Variants in NCALD observed in about 807,000 individuals in gnomAD.
The protein encoded by NCALD is neurocalcin delta.
NCALD carries 10 observed loss-of-function variants against 18.6 expected under a neutral mutation model. The ratio of observed to expected loss-of-function variants is 0.54; its 90% CI spans 0.33 to 0.91. The LOEUF (loss-of-function observed/expected upper bound fraction) is 0.91, where lower values mean the gene tolerates loss of function less well. Ranked by LOEUF, NCALD falls within the 40% of genes least tolerant of loss-of-function variation. The pLI is 0.03. For missense variants in NCALD, 184 were observed against 247.6 expected, an observed-to-expected ratio of 0.74 and a Z score of 1.72; for synonymous variants, 88 against 87.4, an observed-to-expected ratio of 1.01 and a Z score of -0.04.
chr8:102,115,175 G>T (rs1443952993), intron 1 of NCALD, among the ~76,000 whole-genome samples: 1 of 152,176 alleles, frequency 6.6e-6, no homozygotes, highest in East Asian at 1.9e-4. Flanking sequence ...TTTTCTTCAG[G>T]TAGTGAGACT....
chr8:101,880,288 C>A (rs546719170), intron 4 of NCALD, among the ~76,000 whole-genome samples: 2 of 152,138 alleles, frequency 1.3e-5, no homozygotes, highest in African/African-American at 2.4e-5. Context: ...GCCAGCCGCT[C>A]GGAGTGCGGG....
chr8:101,762,554 C>G (rs1811155929), intron 1 of NCALD, among the ~76,000 whole-genome samples: 3 of 151,334 alleles, frequency 2.0e-5, no homozygotes, highest in Admixed American at 1.3e-4. Context: ...TATAAATCAG[C>G]ACTGGTCTAC....
chr8:101,706,557 T>C (rs1815535039), intron 2 of NCALD, among the ~76,000 whole-genome samples: 1 of 152,238 alleles, frequency 6.6e-6, no homozygotes, highest in Non-Finnish European at 1.5e-5. Flanking sequence ...CAAAAATCCT[T>C]GTCTATCTGA....
intron 2 of NCALD, among the ~76,000 whole-genome samples, chr8:101,695,867 A>T (rs1234383189): frequency 6.6e-6 from 1 of 152,138 alleles, no homozygotes; most frequent in East Asian, 1.9e-4. Flanking sequence ...TTTATTCAGG[A>T]ATAACTGTCC....
chr8:101,972,109 G>A (rs1463360009), intron 2 of NCALD, among the ~76,000 whole-genome samples: 1 of 152,150 alleles, frequency 6.6e-6, no homozygotes, highest in Non-Finnish European at 1.5e-5. Flanking sequence ...TGATGAGGAT[G>A]AAAACTGACA....
At chr8:102,028,510 G>A (rs1431487758) in intron 1 of NCALD, among the ~76,000 whole-genome samples, 1 of 152,226 alleles carries the variant, frequency 6.6e-6, no homozygotes, top group Non-Finnish European at 1.5e-5. Flanking sequence ...TGTTGGAAAG[G>A]ATTGTTTATC....
At chr8:101,978,179 T>TATG (rs2131927113) in intron 2 of NCALD, among the ~76,000 whole-genome samples, 1 of 152,034 alleles carries the variant, frequency 6.6e-6, no homozygotes, top group African/African-American at 2.4e-5. Flanking sequence ...GTTAAAAAAA[T>TATG]ATGATTACTG....
At chr8:102,118,538 G>A (rs1014370612) in intron 1 of NCALD, among the ~76,000 whole-genome samples, 1 of 152,212 alleles carries the variant, frequency 6.6e-6, no homozygotes, top group African/African-American at 2.4e-5. Context: ...GCTAGCATGA[G>A]TGCTATTATT....
intron 1 of NCALD, among the ~76,000 whole-genome samples, chr8:101,746,547 G>T (rs1031730802): frequency 2.0e-5 from 3 of 152,134 alleles, no homozygotes; most frequent in African/African-American, 7.2e-5. Context: ...CTTCATAGCT[G>T]CTCATATTGA....
At chr8:101,710,415 G>A (rs1815731334) in intron 2 of NCALD, among the ~76,000 whole-genome samples, 1 of 152,172 alleles carries the variant, frequency 6.6e-6, no homozygotes, top group Non-Finnish European at 1.5e-5. Flanking sequence ...GCGAGGCAGA[G>A]CCATTCACTC....
intron 3 of NCALD, among the ~76,000 whole-genome samples, chr8:101,888,565 G>A (rs557006305): frequency 6.6e-6 from 1 of 151,880 alleles, no homozygotes; most frequent in Non-Finnish European, 1.5e-5. Flanking sequence ...CTGCAGGGAT[G>A]CCCCAACATG....
intron 1 of NCALD, among the ~76,000 whole-genome samples, chr8:101,753,291 G>A (rs1215207932): frequency 6.6e-6 from 1 of 152,130 alleles, no homozygotes; most frequent in Non-Finnish European, 1.5e-5. Context: ...AGAGAGAGAA[G>A]GAATCAAGAG....
At chr8:101,770,076 CATT>C (rs1310360394) in intron 1 of NCALD, among the ~76,000 whole-genome samples, 4 of 152,166 alleles carry the variant, frequency 2.6e-5, no homozygotes, top group African/African-American at 9.7e-5. Flanking sequence ...CTAACACCAT[CATT>C]ATTATTTGAA....
chr8:101,934,650 T>C (rs570134188), intron 2 of NCALD, among the ~76,000 whole-genome samples: 1 of 135,916 alleles, frequency 7.4e-6, no homozygotes, highest in African/African-American at 2.8e-5. Context: ...GTGAATTTCC[T>C]GAGAGCAGTT....
intron 4 of NCALD, among the ~76,000 whole-genome samples, chr8:101,832,911 T>C (rs73696638): frequency 0.011 from 1,657 of 152,330 alleles, 36 homozygotes; most frequent in African/African-American, 0.037. Context: ...AGGCAAGTCT[T>C]TCCCAGTTAT....
intron 1 of NCALD, among the ~76,000 whole-genome samples, chr8:101,786,545 T>C (rs1008836263): frequency 6.6e-6 from 1 of 152,180 alleles, no homozygotes; most frequent in Non-Finnish European, 1.5e-5. Context: ...GTTATATGAA[T>C]CATATCAAAG....
At chr8:102,080,383 A>C (rs1479948805) in intron 1 of NCALD, among the ~76,000 whole-genome samples, 1 of 152,178 alleles carries the variant, frequency 6.6e-6, no homozygotes, top group African/African-American at 2.4e-5. Context: ...ACCACGGCAC[A>C]CCACATTTTT....
intron 2 of NCALD, among the ~76,000 whole-genome samples, chr8:101,705,550 G>T (rs1287722540): frequency 6.6e-6 from 1 of 152,150 alleles, no homozygotes; most frequent in Non-Finnish European, 1.5e-5. Flanking sequence ...CCTTGAGCCT[G>T]GAGGTCTTGG....
chr8:101,978,068 C>T (rs1010125987), intron 2 of NCALD, among the ~76,000 whole-genome samples: 3 of 151,718 alleles, frequency 2.0e-5, no homozygotes, highest in East Asian at 1.9e-4. Context: ...AGATGTGCCT[C>T]GTCCATACAG....
Sources: gnomAD v4.1 joint callset for allele counts (sites outside exome capture counted in the v4.1 genomes callset) on GRCh38, gnomAD v4.1.1 for gene constraint, MANE v1.5 for transcripts, NCBI Gene and HGNC (gene_info 2026-07-23, HGNC 2026-07-21) for gene names.